Variants in GCNT1 observed in about 807,000 individuals in gnomAD.
GCNT1 encodes beta-1,3-galactosyl-O-glycosyl-glycoprotein beta-1,6-N-acetylglucosaminyltransferase.
A neutral mutation model predicts 26.2 loss-of-function variants in GCNT1; 16 were observed. That is an observed-to-expected ratio of 0.61 (90% CI 0.41 to 0.93). GCNT1 has a LOEUF of 0.93. GCNT1 is among the 40% of genes least tolerant of loss of function. The probability of loss-of-function intolerance (pLI) is 0.00; values close to 1 mark genes in which losing one functional copy is unlikely to be tolerated. For missense variants in GCNT1, 477 were observed against 526.7 expected, an observed-to-expected ratio of 0.91 and a Z score of 0.92; for synonymous variants, 183 against 190.8, an observed-to-expected ratio of 0.96 and a Z score of 0.34.
intron 2 of GCNT1, among the ~76,000 whole-genome samples, chr9:76,469,556 A>T (rs1358377254): frequency 6.6e-6 from 1 of 151,662 alleles, no homozygotes; most frequent in African/African-American, 2.4e-5. Flanking sequence ...TTGCAACTGC[A>T]CTCTCTTCTG....
chr9:76,404,126 C>T, the GCNT1 span, among the ~76,000 whole-genome samples: 2,661 of 152,246 alleles, frequency 0.017, 90 homozygotes, highest in African/African-American at 0.06. Flanking sequence ...CTCTCAAATT[C>T]ATGATACCTT....
chr9:76,496,673 C>T (rs954668945), intron 2 of GCNT1, among the ~76,000 whole-genome samples: 2 of 152,126 alleles, frequency 1.3e-5, no homozygotes, highest in Admixed American at 6.5e-5. Flanking sequence ...ACTAGCTTTC[C>T]TTCTTATTGA....
At chr9:76,402,058 G>C in the GCNT1 span, among the ~76,000 whole-genome samples, 2 of 152,210 alleles carry the variant, frequency 1.3e-5, no homozygotes, top group African/African-American at 4.8e-5. Flanking sequence ...GCCATCTCCA[G>C]CCAGATGAGG....
At chr9:76,396,165 A>G in the GCNT1 span, among the ~76,000 whole-genome samples, 2 of 152,246 alleles carry the variant, frequency 1.3e-5, no homozygotes, top group Admixed American at 6.5e-5. Context: ...ATTAAATGAG[A>G]TAAAATAATT....
chr9:76,394,192 T>A, the GCNT1 span: 5 of 1,570,394 alleles, frequency 3.2e-6, no homozygotes, highest in Non-Finnish European at 4.3e-6. Flanking sequence ...GCTCGGGGAA[T>A]GGGCTGCGGC....
At chr9:76,478,502 C>T (rs1381771608) in intron 2 of GCNT1, among the ~76,000 whole-genome samples, 1 of 152,206 alleles carries the variant, frequency 6.6e-6, no homozygotes, top group African/African-American at 2.4e-5. Context: ...CTGTAATACT[C>T]ACCGGGAGGG....
intron 2 of GCNT1, among the ~76,000 whole-genome samples, chr9:76,483,130 T>C (rs558396894): frequency 6.6e-6 from 1 of 152,150 alleles, no homozygotes; most frequent in South Asian, 2.1e-4. Context: ...GAAACAGTAA[T>C]GTGTTTAAGG....
chr9:76,484,051 A>G (rs536635555), intron 2 of GCNT1, among the ~76,000 whole-genome samples: 1 of 152,322 alleles, frequency 6.6e-6, no homozygotes, highest in Admixed American at 6.5e-5. Flanking sequence ...GCTTTTGTTT[A>G]TGTGGGTTAT....
At chr9:76,401,643 A>G in the GCNT1 span, among the ~76,000 whole-genome samples, 2 of 152,236 alleles carry the variant, frequency 1.3e-5, no homozygotes, top group Non-Finnish European at 2.9e-5. Context: ...CATGTTTATT[A>G]TCATGTATAT....
intron 2 of GCNT1, among the ~76,000 whole-genome samples, chr9:76,468,151 C>A (rs1824048283): frequency 6.6e-6 from 1 of 152,082 alleles, no homozygotes; most frequent in South Asian, 2.1e-4. Context: ...CCTGCCTGGG[C>A]CTCCCGAAGT....
At chr9:76,410,011 G>A in the GCNT1 span, among the ~76,000 whole-genome samples, 18 of 151,994 alleles carry the variant, frequency 1.2e-4, no homozygotes, top group East Asian at 3.3e-3. Flanking sequence ...TTTCTTCTTT[G>A]ACCAATGTGT....
upstream of GCNT1, among the ~76,000 whole-genome samples, chr9:76,455,816 G>A (rs1042557665): frequency 3.9e-4 from 59 of 152,146 alleles, 1 homozygote; most frequent in Non-Finnish European, 8.8e-5. Flanking sequence ...TGGCTAGGCT[G>A]GAACTCGAAC....
chr9:76,456,367 C>A (rs1327437204), upstream of GCNT1, among the ~76,000 whole-genome samples: 1 of 152,186 alleles, frequency 6.6e-6, no homozygotes, highest in Non-Finnish European at 1.5e-5. Flanking sequence ...AAAGCACCAG[C>A]TGGGTACCGC....
At chr9:76,493,916 C>T (rs1340184105) in intron 2 of GCNT1, among the ~76,000 whole-genome samples, 2 of 152,020 alleles carry the variant, frequency 1.3e-5, no homozygotes, top group Non-Finnish European at 2.9e-5. Context: ...ATATTGGGGC[C>T]AGGCCATAGT....
chr9:76,468,191 G>A (rs978047454), intron 2 of GCNT1, among the ~76,000 whole-genome samples: 5 of 152,010 alleles, frequency 3.3e-5, no homozygotes, highest in Admixed American at 6.6e-5. Context: ...GTCACCGCGC[G>A]CCGACCCTCC....
In GCNT1 at chr9:76,499,180, T is replaced by A. The variant is rs1195867635; in HGVS notation, c.-289-1736T>A. 2.0e-5 allele frequency among the ~76,000 whole-genome samples: 3 copies of A among 152,140 alleles called. No homozygotes were observed. The South Asian group carries it at 6.2e-4, about 32-fold the overall frequency. On this transcript the variant is annotated intron_variant, in intron 2 of 3. Transcript: ENST00000376730. ...TCTTGCTCTATTGCCCAGGCTGAAG[T>A]GCAGTGGCATGATCTTGGCTCACTG...
the GCNT1 span, among the ~76,000 whole-genome samples, chr9:76,413,384 T>C: frequency 2.0e-5 from 3 of 152,194 alleles, no homozygotes; most frequent in Non-Finnish European, 4.4e-5. Flanking sequence ...AGAAACATTG[T>C]AAATATTCAC....
At chr9:76,401,659 A>G in the GCNT1 span, among the ~76,000 whole-genome samples, 4 of 152,230 alleles carry the variant, frequency 2.6e-5, no homozygotes, top group African/African-American at 9.6e-5. Flanking sequence ...TATATTTTAT[A>G]TGTATATGGG....
At chr9:76,495,207 C>T (rs902970471) in intron 2 of GCNT1, among the ~76,000 whole-genome samples, 10 of 152,264 alleles carry the variant, frequency 6.6e-5, no homozygotes, top group East Asian at 1.9e-4. Context: ...TTCTTGGTCT[C>T]GCTGACCAAG....
Sources: allele counts gnomAD v4.1 joint callset (sites outside exome capture counted in the v4.1 genomes callset), GRCh38; gene constraint gnomAD v4.1.1; transcripts MANE v1.5; gene names NCBI Gene and HGNC (gene_info 2026-07-23, HGNC 2026-07-21).